Variants in LPAR3 observed in about 807,000 individuals in gnomAD.
LPAR3 encodes lysophosphatidic acid receptor 3, also known as LPA receptor 3.
A neutral mutation model predicts 17.8 loss-of-function variants in LPAR3; 7 were observed. That is an observed-to-expected ratio of 0.39 (90% CI 0.22 to 0.74). LPAR3 has a LOEUF of 0.74. LPAR3 is among the 30% of genes least tolerant of loss of function. The pLI is 0.40. For synonymous variants in LPAR3, 179 were observed against 179.9 expected (o/e 0.99, Z 0.04); for missense variants, 391 against 453.4 (o/e 0.86, Z 1.25).
intron 1 of LPAR3, among the ~76,000 whole-genome samples, chr1:84,867,057 A>G (rs1660065529): frequency 6.6e-6 from 1 of 152,170 alleles, no homozygotes; most frequent in Non-Finnish European, 1.5e-5. Context: ...TTCTTCAGAC[A>G]CTTGTCTGAA....
In LPAR3 at chr1:84,812,072, A is replaced by G. The variant is rs941944231; in HGVS notation, c.*1774T>C. On this transcript the variant is annotated 3_prime_UTR_variant, in exon 3 of 3. Coordinates refer to ENST00000370611, the MANE Select transcript of LPAR3 (RefSeq NM_012152.3). ...CCAGAAGGATGCCATTAACCTTGGG[A>G]AAAATAAGAGATGGGAAATTATTCT... is the stretch of plus-strand genomic sequence containing the variant. 3.3e-5 allele frequency: 5 copies of G among 152,192 alleles called. No individual in the cohort carries two copies. Among genetic ancestry groups the G allele is most frequent in the African/African-American group, 1.2e-4 (5 of 41,464 alleles). 9.4% of individuals were successfully genotyped at this position (152,192 alleles called of 1,614,324 possible).
intron 1 of LPAR3, among the ~76,000 whole-genome samples, chr1:84,874,764 T>C (rs561386805): frequency 6.6e-6 from 1 of 152,332 alleles, no homozygotes; most frequent in South Asian, 2.1e-4. Context: ...TAAAAGATGC[T>C]AATCAAAATG....
chr1:84,842,939 T>C (rs1357514151), intron 2 of LPAR3, among the ~76,000 whole-genome samples: 1 of 152,068 alleles, frequency 6.6e-6, no homozygotes, highest in Non-Finnish European at 1.5e-5. Context: ...TTGCAGGAAA[T>C]GAAAGCCACC....
intron 2 of LPAR3, among the ~76,000 whole-genome samples, chr1:84,864,858 C>T (rs1660008711): frequency 6.6e-6 from 1 of 152,040 alleles, no homozygotes; most frequent in African/African-American, 2.4e-5. Flanking sequence ...ATCTGAGTAG[C>T]CCATCCCCTA....
intron 2 of LPAR3, among the ~76,000 whole-genome samples, chr1:84,854,202 C>T (rs1051973170): frequency 1.3e-5 from 2 of 152,154 alleles, no homozygotes; most frequent in Non-Finnish European, 2.9e-5. Context: ...ACCCACGGCC[C>T]TGGCATGGCC....
intron 1 of LPAR3, among the ~76,000 whole-genome samples, chr1:84,867,497 A>G (rs1232986936): frequency 6.6e-6 from 1 of 152,224 alleles, no homozygotes; most frequent in Non-Finnish European, 1.5e-5. Context: ...AGAATCAAGA[A>G]GACCAGATAA....
At chr1:84,868,395 C>T (rs575834199) in intron 1 of LPAR3, among the ~76,000 whole-genome samples, 1 of 152,240 alleles carries the variant, frequency 6.6e-6, no homozygotes, top group South Asian at 2.1e-4. Flanking sequence ...CAAGCATGAG[C>T]CATCACACCC....
intron 1 of LPAR3, among the ~76,000 whole-genome samples, chr1:84,877,282 C>A (rs1363329054): frequency 6.6e-6 from 1 of 152,184 alleles, no homozygotes; most frequent in Non-Finnish European, 1.5e-5. Context: ...CTTAGGTGTG[C>A]ACTATGGTTC....
intron 1 of LPAR3, among the ~76,000 whole-genome samples, chr1:84,890,401 A>G (rs1287187208): frequency 6.6e-6 from 1 of 152,236 alleles, no homozygotes; most frequent in Non-Finnish European, 1.5e-5. Context: ...AAAGAGGGCA[A>G]CCAGCATTTA....
intron 1 of LPAR3, among the ~76,000 whole-genome samples, chr1:84,891,807 A>C (rs1660556873): frequency 6.6e-6 from 1 of 152,204 alleles, no homozygotes; most frequent in South Asian, 2.1e-4. Context: ...TTTATTTCTA[A>C]ACGGCATCTC....
At chr1:84,870,069 C>T (rs112862174) in intron 1 of LPAR3, among the ~76,000 whole-genome samples, 1,994 of 152,302 alleles carry the variant, frequency 0.013, 30 homozygotes, top group Non-Finnish European at 0.022. Flanking sequence ...AAATTTTTAG[C>T]AAGCTTATAA....
intron 2 of LPAR3, among the ~76,000 whole-genome samples, chr1:84,834,890 C>T (rs1348816387): frequency 2.0e-5 from 3 of 152,340 alleles, no homozygotes; most frequent in African/African-American, 7.2e-5. Context: ...CTTCACCTCA[C>T]TGCACCAGGC....
intron 1 of LPAR3, among the ~76,000 whole-genome samples, chr1:84,866,939 G>A (rs1362834919): frequency 1.3e-5 from 2 of 152,122 alleles, no homozygotes; most frequent in Non-Finnish European, 2.9e-5. Context: ...TCCTCAACAC[G>A]GCAGGTGGAG....
intron 1 of LPAR3, among the ~76,000 whole-genome samples, chr1:84,891,606 G>C (rs7556457): frequency 0.3 from 45,123 of 152,098 alleles, 6,964 homozygotes; most frequent in East Asian, 0.45. Flanking sequence ...ACTGCCCATG[G>C]AAAGCAGGGT....
intron 2 of LPAR3, among the ~76,000 whole-genome samples, chr1:84,838,297 G>GTGAAAGCACATTGACAC: frequency 6.6e-6 from 1 of 152,110 alleles, no homozygotes; most frequent in Admixed American, 6.5e-5. Flanking sequence ...GGGGATCCAT[G>GTGAAAGCACATTGACAC]GTGGATTCTT....
At chr1:84,848,088 C>A (rs1272370584) in intron 2 of LPAR3, among the ~76,000 whole-genome samples, 1 of 152,192 alleles carries the variant, frequency 6.6e-6, no homozygotes, top group East Asian at 1.9e-4. Context: ...TGAGTCTGCC[C>A]AGATCTAGCC....
At chr1:84,892,681 T>G (rs1437516544) in intron 1 of LPAR3, among the ~76,000 whole-genome samples, 6 of 152,230 alleles carry the variant, frequency 3.9e-5, no homozygotes, top group Non-Finnish European at 8.8e-5. Context: ...GAACCACGTG[T>G]GCAAAGGCAG....
At chr1:84,814,885 T>C (rs935319333) in intron 2 of LPAR3, among the ~76,000 whole-genome samples, 6 of 152,212 alleles carry the variant, frequency 3.9e-5, no homozygotes, top group African/African-American at 1.4e-4. Flanking sequence ...GACTCTGCAA[T>C]TGAATATGAA....
intron 2 of LPAR3, among the ~76,000 whole-genome samples, chr1:84,860,794 G>A (rs1022964608): frequency 4.7e-5 from 7 of 148,922 alleles, no homozygotes; most frequent in South Asian, 2.1e-4. Flanking sequence ...GCTGGAGTGC[G>A]GGGGCGCCAT....
Sources: gnomAD v4.1 joint callset for allele counts (sites outside exome capture counted in the v4.1 genomes callset) on GRCh38, gnomAD v4.1.1 for gene constraint, MANE v1.5 for transcripts, NCBI Gene and HGNC (gene_info 2026-07-23, HGNC 2026-07-21) for gene names.